The following ENTREP2 variants were observed in gnomAD, a reference collection of about 807,000 sequenced individuals.
The protein encoded by ENTREP2 is endosomal transmembrane epsin interactor 2.
the ENTREP2 span, among the ~76,000 whole-genome samples, chr15:29,558,421 A>C: frequency 6.6e-6 from 1 of 151,530 alleles, no homozygotes; most frequent in African/African-American, 2.4e-5. Context: ...CACAGGCCCG[A>C]AGCTGGCCCG....
the ENTREP2 span, among the ~76,000 whole-genome samples, chr15:29,652,327 C>T: frequency 6.6e-6 from 1 of 152,202 alleles, no homozygotes; most frequent in Admixed American, 6.5e-5. Context: ...GAGCTACCCA[C>T]AGTGGGTCCC....
the ENTREP2 span, among the ~76,000 whole-genome samples, chr15:29,208,397 T>C: frequency 2.0e-5 from 3 of 152,174 alleles, no homozygotes. Context: ...TAAAAACATG[T>C]GTCATCTACT....
chr15:29,580,191 G>T, the ENTREP2 span, among the ~76,000 whole-genome samples: 4 of 152,038 alleles, frequency 2.6e-5, no homozygotes, highest in African/African-American at 9.7e-5. Context: ...GGTCACTCCT[G>T]CTGAGAATGA....
the ENTREP2 span, among the ~76,000 whole-genome samples, chr15:29,246,754 C>A: frequency 1.8e-3 from 270 of 152,082 alleles, 1 homozygote; most frequent in African/African-American, 5.9e-3. Context: ...CTAGAAACAT[C>A]TTTTAACTTA....
At chr15:29,421,803 C>T in the ENTREP2 span, among the ~76,000 whole-genome samples, 1 of 152,076 alleles carries the variant, frequency 6.6e-6, no homozygotes. Flanking sequence ...TTCATGGTGC[C>T]ATGGGAAAAA....
chr15:29,155,948 G>C, the ENTREP2 span, among the ~76,000 whole-genome samples: 6 of 152,204 alleles, frequency 3.9e-5, no homozygotes, highest in Admixed American at 6.5e-5. Flanking sequence ...CTGCCTTAGG[G>C]ATCCTACTAT....
At chr15:29,471,671 G>A in the ENTREP2 span, among the ~76,000 whole-genome samples, 1 of 152,222 alleles carries the variant, frequency 6.6e-6, no homozygotes, top group African/African-American at 2.4e-5. Flanking sequence ...GCATACACCG[G>A]GGTAATACGT....
At chr15:29,434,234 C>T in the ENTREP2 span, among the ~76,000 whole-genome samples, 8,540 of 152,208 alleles carry the variant, frequency 0.056, 318 homozygotes, top group Middle Eastern at 0.092. Context: ...AATCTATGAG[C>T]GAGTATCTAT....
At chr15:29,609,351 A>C in the ENTREP2 span, among the ~76,000 whole-genome samples, 1 of 150,140 alleles carries the variant, frequency 6.7e-6, no homozygotes, top group Non-Finnish European at 1.5e-5. Flanking sequence ...TTATTGTTTG[A>C]ATGTTTGCCC....
the ENTREP2 span, among the ~76,000 whole-genome samples, chr15:29,493,850 A>T: frequency 6.6e-6 from 1 of 151,758 alleles, no homozygotes; most frequent in Non-Finnish European, 1.5e-5. Context: ...GGTGGCTCAC[A>T]CCCGTAATCC....
chr15:29,588,682 T>C, the ENTREP2 span, among the ~76,000 whole-genome samples: 12 of 151,732 alleles, frequency 7.9e-5, no homozygotes, highest in Non-Finnish European at 1.5e-4. Flanking sequence ...CTTGATGACA[T>C]AGTACAAATT....
At chr15:29,366,114 C>T in the ENTREP2 span, among the ~76,000 whole-genome samples, 18 of 152,294 alleles carry the variant, frequency 1.2e-4, no homozygotes, top group Non-Finnish European at 2.5e-4. Context: ...TGCTCTGTCA[C>T]CTAGTCTGGA....
the ENTREP2 span, among the ~76,000 whole-genome samples, chr15:29,308,319 C>CA: frequency 1.3e-5 from 2 of 152,074 alleles, no homozygotes; most frequent in Non-Finnish European, 2.9e-5. Context: ...GAGGTTGCAG[C>CA]AAGTGGAGAT....
chr15:29,465,756 T>C, the ENTREP2 span, among the ~76,000 whole-genome samples: 14 of 152,242 alleles, frequency 9.2e-5, no homozygotes, highest in African/African-American at 3.4e-4. Flanking sequence ...ATTTTTATAA[T>C]TCTTTAAAAG....
chr15:29,566,454 G>A, the ENTREP2 span, among the ~76,000 whole-genome samples: 1 of 145,980 alleles, frequency 6.9e-6, no homozygotes, highest in Admixed American at 6.9e-5. Flanking sequence ...GTGACCCACC[G>A]CACCCAACCT....
the ENTREP2 span, among the ~76,000 whole-genome samples, chr15:29,605,410 A>C: frequency 6.6e-6 from 1 of 152,212 alleles, no homozygotes; most frequent in Non-Finnish European, 1.5e-5. Flanking sequence ...CTCTATGTGT[A>C]AATGTCAGTG....
the ENTREP2 span, among the ~76,000 whole-genome samples, chr15:29,495,037 T>C: frequency 6.6e-6 from 1 of 152,178 alleles, no homozygotes; most frequent in East Asian, 1.9e-4. Flanking sequence ...AAACACTGAT[T>C]TCAATTACTT....
the ENTREP2 span, among the ~76,000 whole-genome samples, chr15:29,510,875 T>A: frequency 5.3e-5 from 8 of 150,896 alleles, no homozygotes; most frequent in African/African-American, 1.9e-4. Context: ...AAAGAATGAG[T>A]TCATGTCCTT....
At chr15:29,412,477 G>A in the ENTREP2 span, among the ~76,000 whole-genome samples, 1 of 151,838 alleles carries the variant, frequency 6.6e-6, no homozygotes, top group African/African-American at 2.4e-5. Flanking sequence ...GCTTATTCCT[G>A]ATTTTAAAGG....
Sources: allele counts gnomAD v4.1 joint callset (sites outside exome capture counted in the v4.1 genomes callset), GRCh38; gene constraint gnomAD v4.1.1; transcripts MANE v1.5; gene names NCBI Gene and HGNC (gene_info 2026-07-23, HGNC 2026-07-21).